The following ZFHX3 variants were observed in gnomAD, a reference collection of about 807,000 sequenced individuals.
ZFHX3 encodes zinc finger homeobox 3.
A neutral mutation model predicts 279.1 loss-of-function variants in ZFHX3; 42 were observed. That is an observed-to-expected ratio of 0.15 (90% CI 0.12 to 0.19). The LOEUF is 0.19. ZFHX3 is among the 10% of genes least tolerant of loss of function. The pLI is 1.00. For synonymous variants in ZFHX3, 2,293 were observed against 1,957.8 expected (o/e 1.17, Z -4.52); for missense variants, 4,981 against 4,754.0 (o/e 1.05, Z -1.40).
chr16:73,216,476 C>T (rs993459276), intron 5 of ZFHX3, among the ~76,000 whole-genome samples: 2 of 152,224 alleles, frequency 1.3e-5, no homozygotes, highest in Non-Finnish European at 2.9e-5. Flanking sequence ...ATATCCATCT[C>T]CCTCAAAAGA....
intron 2 of ZFHX3, among the ~76,000 whole-genome samples, chr16:73,537,972 A>G (rs536204155): frequency 3.2e-4 from 48 of 152,306 alleles, no homozygotes; most frequent in African/African-American, 8.9e-4. Flanking sequence ...TTCTTCATAT[A>G]TGGGGCTCAC....
At chr16:73,527,178 GT>G (rs1390792739) in intron 2 of ZFHX3, among the ~76,000 whole-genome samples, 2 of 152,090 alleles carry the variant, frequency 1.3e-5, no homozygotes, top group African/African-American at 2.4e-5. Flanking sequence ...ATACTATATA[GT>G]TTTTTTGATT....
chr16:73,161,959 G>T (rs1186289755), intron 5 of ZFHX3, among the ~76,000 whole-genome samples: 1 of 152,184 alleles, frequency 6.6e-6, no homozygotes, highest in African/African-American at 2.4e-5. Context: ...ATAATAATAT[G>T]ATTTATACTT....
intron 2 of ZFHX3, among the ~76,000 whole-genome samples, chr16:73,502,147 G>T (rs1009881482): frequency 2.0e-5 from 3 of 152,078 alleles, no homozygotes; most frequent in Admixed American, 6.5e-5. Flanking sequence ...AACATGTTAG[G>T]CCATCTTGAA....
chr16:72,973,854 C>G (rs1962219590), intron 1 of ZFHX3: 1 of 152,014 alleles, frequency 6.6e-6, no homozygotes, highest in African/African-American at 2.4e-5. Flanking sequence ...GCCTGGGCGA[C>G]AGAGTAAGAC....
intron 3 of ZFHX3, among the ~76,000 whole-genome samples, chr16:73,366,055 C>G (rs895375300): frequency 3.3e-5 from 5 of 152,184 alleles, no homozygotes; most frequent in African/African-American, 9.7e-5. Flanking sequence ...AAGATGTTTT[C>G]TGCACAGGCA....
At chr16:73,159,144 C>A (rs1486227360) in intron 5 of ZFHX3, among the ~76,000 whole-genome samples, 1 of 152,260 alleles carries the variant, frequency 6.6e-6, no homozygotes, top group Non-Finnish European at 1.5e-5. Flanking sequence ...ACACAGACAA[C>A]CTACAGAATG....
At chr16:73,653,682 C>T (rs1024933014) in intron 2 of ZFHX3, among the ~76,000 whole-genome samples, 3 of 151,702 alleles carry the variant, frequency 2.0e-5, no homozygotes, top group African/African-American at 7.3e-5. Context: ...AAAAACCCAC[C>T]CAAAACAAAC....
At position 73,808,820 on chromosome 16, in the gene ZFHX3, ATAACCTACAAGGACAG is replaced by A. The variant is rs768979461; in HGVS notation, c.-1608+82815_-1608+82830del. 1.1e-4 allele frequency among the ~76,000 whole-genome samples: 17 copies of A among 152,340 alleles called. No individual in the cohort carries two copies. The South Asian group carries it at 2.7e-3, about 24-fold the overall frequency. ...AGGGAGCATATAGTATGCAGAGTAT[ATAACCTACAAGGACAG>A]TAACCTAGCATTCTGAGCAGCCTTA... On this transcript the variant is annotated intron_variant, in intron 1 of 17. Coordinates refer to the ZFHX3 transcript ENST00000641206.
intron 5 of ZFHX3, among the ~76,000 whole-genome samples, chr16:73,146,658 T>C (rs13339268): frequency 0.014 from 2,159 of 152,164 alleles, 58 homozygotes; most frequent in African/African-American, 0.049. Flanking sequence ...TTTTATTTTT[T>C]AATTAATTAT....
chr16:72,836,155 T>G lies in ZFHX3; in HGVS notation c.3449-6296A>C, dbSNP rs1294181126. ...TCTAAGCCAGGAAGGAAGAGGCTAG[T>G]GGTGGTAATCTTTGTGGCTACACCG... On this transcript the variant is annotated intron_variant, in intron 4 of 9. Transcript: ENST00000268489. 2.0e-5 allele frequency among the ~76,000 whole-genome samples: 3 copies of G among 152,208 alleles called. No individual in the cohort carries two copies. In the East Asian group the frequency reaches 5.8e-4, roughly 29 times the overall value.
intron 5 of ZFHX3, among the ~76,000 whole-genome samples, chr16:73,189,090 T>C (rs1322814133): frequency 6.6e-6 from 1 of 152,106 alleles, no homozygotes; most frequent in Non-Finnish European, 1.5e-5. Context: ...TCTCGATCTC[T>C]TGACCTTGTG....
intron 8 of ZFHX3, among the ~76,000 whole-genome samples, chr16:72,799,646 G>A (rs1250398623): frequency 6.6e-6 from 1 of 152,160 alleles, no homozygotes; most frequent in Non-Finnish European, 1.5e-5. Flanking sequence ...AACTAATCCA[G>A]TGTACCTAAA....
At position 72,784,169 on chromosome 16, in the gene ZFHX3, A is replaced by C. The variant is rs529149947; in HGVS notation, c.*2995T>G. 1.3e-5 allele frequency: 2 copies of C among 152,624 alleles called. No individual in the cohort carries two copies. The highest frequency in any genetic ancestry group is 1.9e-4 in the East Asian group (1 of 5,182). 9.5% of individuals were successfully genotyped at this position (152,624 alleles called of 1,614,324 possible). ...CTATTCAACCACCTTATTGTCGCCA[A>C]ACACCCACAGCTCAAGGCATGGCAT... On this transcript the variant is annotated 3_prime_UTR_variant, in exon 10 of 10. Transcript: ENST00000268489.
intron 8 of ZFHX3, 83 bp downstream of exon 8, chr16:72,799,944 G>T (rs186485030): frequency 1.6e-6 from 2 of 1,276,040 alleles, no homozygotes; most frequent in Admixed American, 1.7e-5. Context: ...GTATTGTAAA[G>T]AATTCCTGAA....
At chr16:72,853,873 A>C (rs7190633) in intron 4 of ZFHX3, among the ~76,000 whole-genome samples, 104,522 of 151,610 alleles carry the variant, frequency 0.69, 36,744 homozygotes, top group East Asian at 0.87. Flanking sequence ...AGGTGCACAG[A>C]CTAATAAAGT....
chr16:73,453,151 G>C (rs1346183395), intron 3 of ZFHX3, among the ~76,000 whole-genome samples: 1 of 151,378 alleles, frequency 6.6e-6, no homozygotes, highest in East Asian at 1.9e-4. Context: ...TTTGTAATAG[G>C]TACAATAAAT....
intron 3 of ZFHX3, among the ~76,000 whole-genome samples, chr16:73,442,103 G>C (rs1402895333): frequency 6.6e-6 from 1 of 152,150 alleles, no homozygotes; most frequent in African/African-American, 2.4e-5. Flanking sequence ...GGGAGGGTGG[G>C]TGTGTTTACA....
chr16:73,147,036 C>A (rs1966866757), intron 5 of ZFHX3, among the ~76,000 whole-genome samples: 1 of 152,152 alleles, frequency 6.6e-6, no homozygotes, highest in Non-Finnish European at 1.5e-5. Context: ...GGGAAATGAA[C>A]TGGAATTGTT....
Sources: gnomAD v4.1 joint callset for allele counts (sites outside exome capture counted in the v4.1 genomes callset) on GRCh38, gnomAD v4.1.1 for gene constraint, MANE v1.5 for transcripts, NCBI Gene and HGNC (gene_info 2026-07-23, HGNC 2026-07-21) for gene names.